The following CAPS2 variants were observed in gnomAD, a reference collection of about 807,000 sequenced individuals.
The protein encoded by CAPS2 is calcyphosine 2, also known as calcyphosin-2.
CAPS2 carries 98 observed loss-of-function variants against 86.5 expected under a neutral mutation model. The ratio of observed to expected loss-of-function variants is 1.13; its 90% CI spans 0.96 to 1.34. The LOEUF (loss-of-function observed/expected upper bound fraction) is 1.34. CAPS2 is among the 40% of genes most tolerant of loss of function. The pLI is 0.00. For synonymous variants in CAPS2, 210 were observed against 225.1 expected, an observed-to-expected ratio of 0.93 and a Z score of 0.60; for missense variants, 729 against 686.8, an observed-to-expected ratio of 1.06 and a Z score of -0.69.
intron 1 of CAPS2, among the ~76,000 whole-genome samples, chr12:75,357,973 TAA>T (rs1313204999): frequency 7.8e-6 from 1 of 127,556 alleles, no homozygotes; most frequent in Non-Finnish European, 1.7e-5. Flanking sequence ...AAATCTAAAG[TAA>T]AAAAAAAAAA....
chr12:75,330,502 A>T (rs751698096), upstream of CAPS2, among the ~76,000 whole-genome samples: 1 of 152,272 alleles, frequency 6.6e-6, no homozygotes, highest in Non-Finnish European at 1.5e-5. Flanking sequence ...CACAGAGCCC[A>T]GAATGACGTT....
At chr12:75,327,924 C>A (rs1320212602), upstream of CAPS2, among the ~76,000 whole-genome samples, 1 of 150,786 alleles carries the variant, frequency 6.6e-6, no homozygotes, top group African/African-American at 2.4e-5. Flanking sequence ...ATCCCAATTC[C>A]TTACTAATTT....
At position 75,285,169 on chromosome 12, in the gene CAPS2, T is replaced by C. The variant is rs1016243162; in HGVS notation, c.1396-89A>G. On this transcript the variant is annotated intron_variant, in intron 14 of 16. Transcript: ENST00000393284. ...TAGTTGTATTTTGTTACATCTTCTG[T>C]AGTCCTAGATATAACTCATTTAATA... 4.1e-6 allele frequency: 5 copies of C among 1,218,414 alleles called. No homozygotes were observed. The African/African-American group carries it at 7.8e-5, about 19-fold the overall frequency. The allele number at this position is 1,218,414 out of a possible 1,614,324, so 75.5% of individuals were successfully genotyped here. A position where few individuals can be genotyped will look rare whatever the true frequency, so the allele number is the denominator to read the frequency against.
At chr12:75,284,844 C>T in intron 15 of CAPS2, 117 bp downstream of exon 15, 1 of 941,054 alleles carries the variant, frequency 1.1e-6, no homozygotes, top group Non-Finnish European at 1.5e-6. Context: ...TTTACTAAAC[C>T]CAACATATAA....
At chr12:75,308,310 G>C (rs2038746341) in intron 7 of CAPS2, among the ~76,000 whole-genome samples, 1 of 152,106 alleles carries the variant, frequency 6.6e-6, no homozygotes, top group Admixed American at 6.5e-5. Flanking sequence ...AGATAAAGTA[G>C]AAAGAAATGT....
At chr12:75,333,598 A>T (rs1045994342), upstream of CAPS2, among the ~76,000 whole-genome samples, 1 of 152,220 alleles carries the variant, frequency 6.6e-6, no homozygotes, top group Non-Finnish European at 1.5e-5. Flanking sequence ...ATTGCCCAGT[A>T]GAATTTCCAT....
intron 1 of CAPS2, chr12:75,370,068 GT>G: frequency 6.5e-7 from 1 of 1,527,212 alleles, no homozygotes; most frequent in Non-Finnish European, 9.0e-7. Flanking sequence ...TTCTGGTTTT[GT>G]TTTTGTTTTT....
At chr12:75,299,602 A>G (rs989247263) in intron 9 of CAPS2, among the ~76,000 whole-genome samples, 2 of 152,174 alleles carry the variant, frequency 1.3e-5, no homozygotes, top group Non-Finnish European at 2.9e-5. Context: ...TTTTTAAAAA[A>G]TATTTAAATT....
intron 7 of CAPS2, among the ~76,000 whole-genome samples, chr12:75,311,700 GAAAAAAAAAAACAAAAAAAAAAACAAAA>G (rs1298212212): frequency 3.0e-4 from 2 of 6,702 alleles, no homozygotes; most frequent in Non-Finnish European, 7.8e-4. Context: ...AGCCATGCAG[GAAAAAAAAAAACAAAAAAAAAAACAAAA>G]AAAAAAAAAA....
At chr12:75,308,088 G>A (rs2038719141) in intron 7 of CAPS2, among the ~76,000 whole-genome samples, 1 of 152,142 alleles carries the variant, frequency 6.6e-6, no homozygotes, top group South Asian at 2.1e-4. Context: ...AATCAGGATG[G>A]TTGTGGGCCA....
exon 14 of CAPS2, chr12:75,289,653 G>C (rs748579510): frequency 2.5e-5 from 41 of 1,612,994 alleles, no homozygotes; most frequent in Non-Finnish European, 3.2e-5. Context: ...AACACTTTTA[G>C]AGCTTGCTTA....
chr12:75,302,845 A>G (rs1366147512), intron 8 of CAPS2, among the ~76,000 whole-genome samples: 1 of 152,156 alleles, frequency 6.6e-6, no homozygotes, highest in African/African-American at 2.4e-5. Flanking sequence ...CATAAGAAGA[A>G]CTCAAATAAA....
chr12:75,299,651 C>G (rs1406915726), intron 9 of CAPS2, among the ~76,000 whole-genome samples, 186 bp downstream of exon 9: 5 of 152,022 alleles, frequency 3.3e-5, no homozygotes, highest in African/African-American at 9.7e-5. Context: ...GTTTTTCCTA[C>G]AGATTCATAT....
intron 11 of CAPS2, among the ~76,000 whole-genome samples, chr12:75,295,897 G>C (rs1377765383): frequency 6.6e-6 from 1 of 151,942 alleles, no homozygotes; most frequent in Non-Finnish European, 1.5e-5. Context: ...GTGATCTTCT[G>C]ATAGTATGAA....
At chr12:75,345,974 T>C (rs1037355328) in intron 1 of CAPS2, among the ~76,000 whole-genome samples, 1 of 152,234 alleles carries the variant, frequency 6.6e-6, no homozygotes, top group Non-Finnish European at 1.5e-5. Flanking sequence ...AACAACTATA[T>C]CTTGCTTAAT....
intron 1 of CAPS2, chr12:75,371,170 G>A (rs61932934): frequency 0.03 from 4,606 of 152,644 alleles, 144 homozygotes; most frequent in African/African-American, 0.079. Flanking sequence ...AAGTCGGGAA[G>A]CCGACAATTC....
At chr12:75,291,368 C>T (rs2035819052) in intron 13 of CAPS2, among the ~76,000 whole-genome samples, 1 of 149,586 alleles carries the variant, frequency 6.7e-6, no homozygotes, top group South Asian at 2.1e-4. Context: ...GAGTAAAACC[C>T]ATATTATCTA....
chr12:75,338,447 G>A (rs533274409), intron 1 of CAPS2, among the ~76,000 whole-genome samples: 1 of 152,134 alleles, frequency 6.6e-6, no homozygotes, highest in African/African-American at 2.4e-5. Flanking sequence ...AAAATTATAT[G>A]ATCATCTCAA....
intron 11 of CAPS2, among the ~76,000 whole-genome samples, chr12:75,294,245 A>G (rs368950404): frequency 7.7e-4 from 117 of 152,326 alleles, no homozygotes; most frequent in Middle Eastern, 3.4e-3. Context: ...CGCCTGGCCA[A>G]CAAATACAAA....
Sources: gnomAD v4.1 joint callset for allele counts (sites outside exome capture counted in the v4.1 genomes callset) on GRCh38, gnomAD v4.1.1 for gene constraint, MANE v1.5 for transcripts, NCBI Gene and HGNC (gene_info 2026-07-23, HGNC 2026-07-21) for gene names.